The following SNX16 variants were observed in gnomAD, a reference collection of about 807,000 sequenced individuals.
The protein encoded by SNX16 is sorting nexin-16.
SNX16 carries 35 observed loss-of-function variants against 36.7 expected under a neutral mutation model. The ratio of observed to expected loss-of-function variants is 0.95; its 90% CI spans 0.73 to 1.27. The LOEUF (loss-of-function observed/expected upper bound fraction) is 1.27. Ranked by LOEUF, SNX16 falls within the 50% of genes most tolerant of loss-of-function variation. The probability of loss-of-function intolerance (pLI) is 0.00; values close to 1 mark genes in which losing one functional copy is unlikely to be tolerated. For synonymous variants in SNX16, 134 were observed against 132.0 expected (o/e 1.02, Z -0.10); for missense variants, 367 against 393.6 (o/e 0.93, Z 0.57).
rs540601637 is a variant in SNX16, at chr8:81,809,433, T to C, written c.681+5892A>G. On this transcript the variant is annotated intron_variant, in intron 5 of 7. Transcript: ENST00000345957. ...TAGGTGTAATCAATAAACAATTTAA[T>C]TCTCTTAAAAAAAAAAAGACCTGAG... is the stretch of plus-strand genomic sequence containing the variant. Among the ~76,000 whole-genome samples the C allele has an allele frequency of 3.1e-3, 444 of 142,794 alleles. 1 individual carries two copies. The highest frequency in any genetic ancestry group is 0.011 in the African/African-American group (429 of 40,716). The allele number at this position is 142,794 out of a possible 152,430, so 93.7% of individuals were successfully genotyped here.
chr8:81,821,939 C>T (rs1050141652), intron 4 of SNX16, among the ~76,000 whole-genome samples: 1 of 152,124 alleles, frequency 6.6e-6, no homozygotes, highest in Non-Finnish European at 1.5e-5. Context: ...ACCAATTAGC[C>T]TTTCTCAACT....
intron 5 of SNX16, among the ~76,000 whole-genome samples, chr8:81,806,714 G>A (rs1809966827): frequency 2.0e-5 from 3 of 151,956 alleles, no homozygotes; most frequent in African/African-American, 4.8e-5. Context: ...AAGATATTAC[G>A]TATTAGGAAA....
chr8:81,803,728 G>A (rs2130580048), intron 5 of SNX16, among the ~76,000 whole-genome samples: 1 of 151,994 alleles, frequency 6.6e-6, no homozygotes, highest in South Asian at 2.1e-4. Context: ...TGAGGAGTCA[G>A]GTACATTTTG....
chr8:81,837,320 C>A (rs1811534105), intron 2 of SNX16, among the ~76,000 whole-genome samples: 1 of 152,266 alleles, frequency 6.6e-6, no homozygotes, highest in African/African-American at 2.4e-5. Flanking sequence ...TCATTTACTT[C>A]CTCCTCTCCA....
intron 4 of SNX16, among the ~76,000 whole-genome samples, chr8:81,823,572 TGAC>T (rs1405190674): frequency 6.6e-6 from 1 of 152,082 alleles, no homozygotes; most frequent in African/African-American, 2.4e-5. Flanking sequence ...TTCACTTTAC[TGAC>T]TATTTAAAAT....
chr8:81,826,526 A>G (rs1358573681), intron 3 of SNX16, among the ~76,000 whole-genome samples: 5 of 152,058 alleles, frequency 3.3e-5, no homozygotes, highest in African/African-American at 9.7e-5. Flanking sequence ...TCTCATGGCC[A>G]TATTTCTACA....
intron 4 of SNX16, among the ~76,000 whole-genome samples, chr8:81,821,132 C>T (rs57361431): frequency 0.089 from 13,358 of 149,846 alleles, 691 homozygotes; most frequent in East Asian, 0.18. Context: ...TTCTTTCATG[C>T]AAGATTTCTT....
At position 81,803,193 on chromosome 8, in the gene SNX16, G is replaced by A. The variant is rs771680304; in HGVS notation, c.717C>T (p.Arg239=). ...GTTTTTCAAGTAGTTCTTTCTGTAA[G>A]CGGTAGTTTGTCTCTTCTAAAGTTT... is the stretch of plus-strand genomic sequence containing the variant. The part of the protein sequence containing the change: ...FCETLEETNY[R]LQKELLEKQK... The change falls in exon 6 of 8, where the codon CGC becomes CGT. Residue 239 remains arginine, a synonymous_variant. Transcript: ENST00000345957. 7 of 1,610,634 alleles carry A rather than the reference G, an allele frequency of 4.3e-6. No homozygotes were observed. In the South Asian group the frequency reaches 4.4e-5, roughly 10 times the overall value.
rs895215428 is a variant in SNX16, at chr8:81,799,813, A to G, written c.*1684T>C. ...ACACTATAATATCTAGAATTTGGCAAAGATCTGTTATATAAGATACAGAAT... is the reference window on the plus strand; with the variant it reads ...ACACTATAATATCTAGAATTTGGCAGAGATCTGTTATATAAGATACAGAAT... On this transcript the variant is annotated 3_prime_UTR_variant, in exon 8 of 8. Transcript: ENST00000345957. The G allele has an allele frequency of 6.6e-6, 1 of 151,936 alleles. No homozygotes were observed. The highest frequency in any genetic ancestry group is 6.6e-5 in the Admixed American group (1 of 15,264). 9.4% of individuals were successfully genotyped at this position (151,936 alleles called of 1,614,324 possible). A position where few individuals can be genotyped will look rare whatever the true frequency, so the allele number is the denominator to read the frequency against.
chr8:81,822,964 A>ATATATATATATGTATATG (rs1554546266), intron 4 of SNX16, among the ~76,000 whole-genome samples: 6,582 of 125,982 alleles, frequency 0.052, 266 homozygotes, highest in South Asian at 0.068. Context: ...ATATATATAT[A>ATATATATATATGTATATG]TATATATATA....
chr8:81,829,448 G>C lies in SNX16; in HGVS notation c.444C>G (p.Phe148Leu). 7.0e-7 allele frequency: 1 copy of C among 1,418,544 alleles called. No individual in the cohort carries two copies. The highest frequency in any genetic ancestry group is 1.7e-5 in the South Asian group (1 of 58,388). The allele number at this position is 1,418,544 out of a possible 1,614,324, so 87.9% of individuals were successfully genotyped here. A position where few individuals can be genotyped will look rare whatever the true frequency, so the allele number is the denominator to read the frequency against. Residue 148 changes from phenylalanine to leucine, a missense_variant, in exon 3 of 8, where the codon TTC becomes TTG. Physicochemically the swap from Phe to Leu is conservative, Grantham distance 22. Transcript: ENST00000345957. ...TACTTACTTTGTCATTAAGCCTAGA[G>C]AAGTCAGTGTATCTTCTGAAAACTA... ...SWVVFRRYTD[F>L]SRLNDKLKEM...
At chr8:81,802,971 C>A in intron 6 of SNX16, 121 bp downstream of exon 6, 1 of 912,016 alleles carries the variant, frequency 1.1e-6, no homozygotes, top group Non-Finnish European at 1.5e-6. Flanking sequence ...TGAAGTATGC[C>A]AAAAGCCTAC....
rs568401501 is a variant in SNX16 at position 81,822,262 on chromosome 8, T to G, written c.611+1530A>C. On this transcript the variant is annotated intron_variant, in intron 4 of 7. Transcript: ENST00000345957. ...GATGGGTAAGGTACGAGGTCAGGGT[T>G]GGATGGGGTAGTAGTGTGAAAGGCT... Among the ~76,000 whole-genome samples, 4 of 152,044 alleles carry G rather than the reference T, an allele frequency of 2.6e-5. No homozygotes were observed. In the South Asian group the frequency reaches 8.3e-4, roughly 32 times the overall value.
Position 81,801,597 on chromosome 8 carries a change from CA to C in SNX16, c.939-5del, listed in dbSNP as rs33964984. 0.14 allele frequency: 142,937 copies of C among 1,017,046 alleles called. 72 individuals are homozygous for C. Among genetic ancestry groups the C allele is most frequent in the Middle Eastern group, 0.16 (522 of 3,328 alleles). 63.0% of individuals were successfully genotyped at this position (1,017,046 alleles called of 1,614,324 possible). On this transcript the variant is annotated splice_region_variant and splice_polypyrimidine_tract_variant and intron_variant, in intron 7 of 7. Transcript: ENST00000345957. Reference sequence around the variant, plus strand: ...TAAGCATGGTTTATTATCAGCTCTGCAAAAAAAAAAAAAAAAGGAACATATC... The same window carrying C: ...TAAGCATGGTTTATTATCAGCTCTGCAAAAAAAAAAAAAAAGGAACATATC...
At chr8:81,825,284 C>T (rs1211379145) in intron 3 of SNX16, among the ~76,000 whole-genome samples, 5 of 152,176 alleles carry the variant, frequency 3.3e-5, no homozygotes, top group Admixed American at 2.0e-4. Context: ...CAAACTGACA[C>T]ACATTGTCAA....
At chr8:81,814,461 T>C (rs1484865285) in intron 5 of SNX16, among the ~76,000 whole-genome samples, 1 of 152,072 alleles carries the variant, frequency 6.6e-6, no homozygotes, top group Admixed American at 6.5e-5. Flanking sequence ...AGATCAGTGG[T>C]TGCCTTGGGC....
rs1810054688 is a variant in SNX16 at position 81,808,170 on chromosome 8, G to A, written c.682-4942C>T. 2.3e-6 allele frequency: 3 copies of A among 1,327,058 alleles called. No homozygotes were observed. In the South Asian group the frequency reaches 3.5e-5, roughly 16 times the overall value. The allele number at this position is 1,327,058 out of a possible 1,614,324, so 82.2% of individuals were successfully genotyped here. On this transcript the variant is annotated intron_variant, in intron 5 of 7. Transcript: ENST00000345957. ...TTGAACAGTGTGGAAAAATGGAAGT[G>A]ATTGAAATCATGACTGACCAAGGCA...
Position 81,801,551 on chromosome 8 carries a change from ATTT to A in SNX16, c.978_980del (p.Glu326_Asn327delinsAsp). The A allele has an allele frequency of 6.3e-7, 1 of 1,583,814 alleles. No homozygotes were observed. Among genetic ancestry groups the A allele is most frequent in the Non-Finnish European group, 8.5e-7 (1 of 1,171,448 alleles). Reference sequence around the variant, plus strand: ...CTGCTACTTCTATCTCTGATACAGCATTTTCAGGTTCACTAAAACTTAAGCATG... The same window carrying A: ...CTGCTACTTCTATCTCTGATACAGCATCAGGTTCACTAAAACTTAAGCATG... On this transcript the variant is annotated inframe_deletion, in exon 8 of 8. Transcript: ENST00000345957.
intron 5 of SNX16, chr8:81,808,273 T>C: frequency 1.7e-6 from 2 of 1,161,380 alleles, no homozygotes; most frequent in East Asian, 4.7e-5. Context: ...TCAGAAACAC[T>C]ATACCATGAA....
Sources: gnomAD v4.1 joint callset for allele counts (sites outside exome capture counted in the v4.1 genomes callset) on GRCh38, gnomAD v4.1.1 for gene constraint, MANE v1.5 for transcripts, NCBI Gene and HGNC (gene_info 2026-07-23, HGNC 2026-07-21) for gene names.